The following EML6 variants were observed in gnomAD, a reference collection of about 807,000 sequenced individuals.
EML6 encodes echinoderm microtubule-associated protein-like 6.
Under a neutral mutation model 240.1 loss-of-function variants are expected in EML6, and 154 were observed. The observed-to-expected ratio is 0.64, with a 90% CI of 0.56 to 0.73. The LOEUF (loss-of-function observed/expected upper bound fraction) is 0.73. Ranked by LOEUF, EML6 falls within the 30% of genes least tolerant of loss-of-function variation. The probability of loss-of-function intolerance (pLI) is 0.00; values close to 1 mark genes in which losing one functional copy is unlikely to be tolerated. For synonymous variants in EML6, 1,148 were observed against 899.0 expected, an observed-to-expected ratio of 1.28 and a Z score of -4.95; for missense variants, 2,964 against 2,474.6, an observed-to-expected ratio of 1.20 and a Z score of -4.20.
At position 54,816,882 on chromosome 2, in the gene EML6, C is replaced by G. The variant is rs775581352; in HGVS notation, c.453C>G (p.Asp151Glu). ...KLLASATGHSDRIFDISWDPY... is the reference protein window; with the variant it reads ...KLLASATGHSERIFDISWDPY... Reference sequence around the variant, plus strand: ...TGGCGTCAGCCACCGGCCATTCTGACAGGGTAAGAACTTGTTGGATCAAGC... The same window carrying G: ...TGGCGTCAGCCACCGGCCATTCTGAGAGGGTAAGAACTTGTTGGATCAAGC... Residue 151 changes from aspartate to glutamate, a missense_variant, in exon 4 of 42, where the codon GAC becomes GAG. Physicochemically the swap from Asp to Glu is conservative, Grantham distance 45. Transcript: ENST00000356458. 2.7e-5 allele frequency: 42 copies of G among 1,548,390 alleles called. 1 individual carries two copies. In the South Asian group the frequency reaches 5.0e-4, roughly 18 times the overall value.
At chr2:54,886,156 C>CTTT (rs1672124001) in intron 17 of EML6, among the ~76,000 whole-genome samples, 1 of 126,742 alleles carries the variant, frequency 7.9e-6, no homozygotes, top group Non-Finnish European at 1.7e-5. Context: ...TTTTTTTTAA[C>CTTT]CTTCTTTTTT....
rs972466875 is a variant in EML6, at chr2:54,892,490, G to C, written c.2576G>C (p.Ser859Thr). The change falls in exon 19 of 42, where the codon AGC becomes ACC. Residue 859 changes from serine (S) to threonine (T), a missense_variant. Physicochemically the swap from Ser to Thr is moderately conservative, Grantham distance 58. Coordinates refer to ENST00000356458, the MANE Select transcript of EML6 (RefSeq NM_001039753.4). ...GFTSKRGTFG[S>T]VGKLETMMCV... ...ACTTCTAAAAGAGGAACTTTTGGAAGCGTTGGAAAATTGGAAACAATGATG... is the reference window on the plus strand; with the variant it reads ...ACTTCTAAAAGAGGAACTTTTGGAACCGTTGGAAAATTGGAAACAATGATG... 2 of 1,551,450 alleles carry C rather than the reference G, an allele frequency of 1.3e-6. No homozygotes were observed. The highest frequency in any genetic ancestry group is 1.7e-6 in the Non-Finnish European group (2 of 1,146,794).
intron 8 of EML6, 146 bp from the exon 9 acceptor site, chr2:54,847,340 A>T: frequency 1.4e-6 from 1 of 700,868 alleles, no homozygotes; most frequent in Admixed American, 3.1e-5. Flanking sequence ...ACACTCGCTG[A>T]CAGGCCATGA....
At chr2:54,930,004 A>G (rs115063535) in intron 28 of EML6, among the ~76,000 whole-genome samples, 1,777 of 152,294 alleles carry the variant, frequency 0.012, 37 homozygotes, top group African/African-American at 0.04. Context: ...AAAAAGAACC[A>G]TATGCACAGA....
At chr2:54,843,844 C>CA (rs34580151) in intron 7 of EML6, among the ~76,000 whole-genome samples, 1,210 of 108,818 alleles carry the variant, frequency 0.011, 21 homozygotes, top group African/African-American at 0.029. Context: ...GACTCCATCT[C>CA]AAAAAAAAAA....
At chr2:54,805,211 CTTG>C (rs1281296478) in intron 2 of EML6, among the ~76,000 whole-genome samples, 2 of 152,198 alleles carry the variant, frequency 1.3e-5, no homozygotes, top group Admixed American at 6.5e-5. Flanking sequence ...TATCCATTCA[CTTG>C]TTGTACGTGT....
intron 7 of EML6, among the ~76,000 whole-genome samples, chr2:54,843,153 G>C (rs895726262): frequency 6.6e-6 from 1 of 152,130 alleles, no homozygotes; most frequent in African/African-American, 2.4e-5. Context: ...TGAAGGTTAG[G>C]TTTTCATGAA....
intron 2 of EML6, among the ~76,000 whole-genome samples, chr2:54,798,617 G>A (rs538967418): frequency 1.6e-4 from 24 of 152,108 alleles, no homozygotes; most frequent in African/African-American, 5.3e-4. Context: ...ATTGATTTTC[G>A]TATATGATCT....
chr2:54,735,350 C>G (rs1160324338), intron 2 of EML6, among the ~76,000 whole-genome samples: 1 of 152,178 alleles, frequency 6.6e-6, no homozygotes, highest in Non-Finnish European at 1.5e-5. Flanking sequence ...GGATATTATT[C>G]TTTATATTTC....
chr2:54,877,579 T>C (rs1444449224), intron 16 of EML6, among the ~76,000 whole-genome samples: 1 of 152,152 alleles, frequency 6.6e-6, no homozygotes, highest in Non-Finnish European at 1.5e-5. Context: ...GAAAAAGTAA[T>C]GTTGGTAATG....
chr2:54,922,998 A>G (rs1387548169), intron 26 of EML6, among the ~76,000 whole-genome samples: 1 of 141,026 alleles, frequency 7.1e-6, no homozygotes, highest in Non-Finnish European at 1.5e-5. Context: ...CTGGAGTGCA[A>G]TGGCACAATC....
intron 2 of EML6, among the ~76,000 whole-genome samples, chr2:54,776,021 A>G (rs1668578927): frequency 6.6e-6 from 1 of 152,142 alleles, no homozygotes; most frequent in Non-Finnish European, 1.5e-5. Context: ...TTGGCAAGTA[A>G]GAATGGTTTT....
chr2:54,922,357 C>T (rs187624491), intron 26 of EML6, among the ~76,000 whole-genome samples: 2 of 152,262 alleles, frequency 1.3e-5, no homozygotes, highest in East Asian at 3.9e-4. Flanking sequence ...GATATCACCT[C>T]ACACCTGTTA....
rs139961345 is a variant in EML6, at chr2:54,906,261, G to A, written c.3409+2759G>A. Among the ~76,000 whole-genome samples, 12 of 152,254 alleles carry A rather than the reference G, an allele frequency of 7.9e-5. No homozygotes were observed. The East Asian group carries it at 1.2e-3, about 15-fold the overall frequency. ...GTATCTCATTTTGGGTTTCATTTGC[G>A]TTTAGGGAGTTTGTTTGTTCTTAAT... On this transcript the variant is annotated intron_variant, in intron 24 of 41. Transcript: ENST00000356458.
rs11389809 is a variant in EML6, at chr2:54,782,666, AT to A, written c.198-30552del. 4.6e-3 allele frequency among the ~76,000 whole-genome samples: 664 copies of A among 143,904 alleles called. 3 individuals carry two copies. The highest frequency in any genetic ancestry group is 0.012 in the African/African-American group (453 of 39,150). The allele number at this position is 143,904 out of a possible 152,430, so 94.4% of individuals were successfully genotyped here. A position where few individuals can be genotyped will look rare whatever the true frequency, so the allele number is the denominator to read the frequency against. On this transcript the variant is annotated intron_variant, in intron 2 of 41. Transcript: ENST00000356458. ...AAGTATCTCTATTAGACCTACTTGT[AT>A]TTTTTTTTTTTTTGGCTAAATTCTG...
At chr2:54,824,616 T>C (rs1271210322) in intron 5 of EML6, among the ~76,000 whole-genome samples, 1 of 152,218 alleles carries the variant, frequency 6.6e-6, no homozygotes, top group Non-Finnish European at 1.5e-5. Context: ...CCCTATGTTT[T>C]GGCAAATAGG....
chr2:54,932,237 C>T (rs902785278), intron 28 of EML6, among the ~76,000 whole-genome samples: 9 of 152,216 alleles, frequency 5.9e-5, no homozygotes, highest in Non-Finnish European at 1.2e-4. Context: ...CAGCTTTCCT[C>T]TAACACACTG....
At chr2:54,905,922 A>C (rs1196078470) in intron 24 of EML6, among the ~76,000 whole-genome samples, 3 of 98,816 alleles carry the variant, frequency 3.0e-5, no homozygotes, top group East Asian at 1.3e-3. Context: ...TTGCTTATCT[A>C]TTTGTTGAGG....
chr2:54,816,926 T>A, intron 4 of EML6, 41 bp downstream of exon 4: 1 of 1,279,356 alleles, frequency 7.8e-7, no homozygotes, highest in Non-Finnish European at 1.1e-6. Flanking sequence ...TTTCAGAACT[T>A]GGGGGGACTT....
Sources: gnomAD v4.1 joint callset for allele counts (sites outside exome capture counted in the v4.1 genomes callset) on GRCh38, gnomAD v4.1.1 for gene constraint, MANE v1.5 for transcripts, NCBI Gene and HGNC (gene_info 2026-07-23, HGNC 2026-07-21) for gene names.